RAD51B: variants seen among roughly 807,000 people sequenced by gnomAD.
The protein encoded by RAD51B is DNA repair protein RAD51 homolog 2.
In RAD51B, 38 loss-of-function variants were observed where a neutral mutation model predicts 42.2. The ratio of observed to expected loss-of-function variants is 0.90; its 90% confidence interval spans 0.70 to 1.18. RAD51B has a LOEUF of 1.18. Among genes scored for constraint, RAD51B ranks in the 50% most tolerant of loss-of-function variants. The pLI, the probability that RAD51B is intolerant of heterozygous loss-of-function variation, is 0.00. For missense variants in RAD51B, 373 were observed against 400.7 expected (o/e 0.93, Z 0.59); for synonymous variants, 154 against 145.2 (o/e 1.06, Z -0.43).
chr14:68,073,899 A>G (rs578073133), intron 7 of RAD51B, among the ~76,000 whole-genome samples: 39 of 152,266 alleles, frequency 2.6e-4, no homozygotes, highest in Non-Finnish European at 4.9e-4. Flanking sequence ...GTCTACTGTT[A>G]GCCTGATGTG....
chr14:68,254,003 T>C (rs527852412), intron 7 of RAD51B, among the ~76,000 whole-genome samples: 1 of 152,352 alleles, frequency 6.6e-6, no homozygotes, highest in South Asian at 2.1e-4. Context: ...GGATCTTATC[T>C]TGATGTGCAG....
intron 7 of RAD51B, among the ~76,000 whole-genome samples, chr14:68,220,539 C>T (rs2079904254): frequency 6.6e-6 from 1 of 152,126 alleles, no homozygotes; most frequent in African/African-American, 2.4e-5. Flanking sequence ...GAAAGCATCC[C>T]TCATGAGAAC....
intron 10 of RAD51B, among the ~76,000 whole-genome samples, chr14:68,489,265 T>G (rs975625954): frequency 2.6e-5 from 4 of 152,210 alleles, no homozygotes; most frequent in African/African-American, 9.6e-5. Flanking sequence ...GAAAGGCATC[T>G]GTAATGTTAT....
intron 8 of RAD51B, among the ~76,000 whole-genome samples, chr14:68,311,828 G>A (rs554974327): frequency 2.0e-5 from 3 of 152,332 alleles, no homozygotes; most frequent in African/African-American, 7.2e-5. Context: ...GGGAGGTGGA[G>A]GTTGCAGTGA....
chr14:67,884,378 A>G (rs147996617), intron 5 of RAD51B, among the ~76,000 whole-genome samples: 85 of 152,276 alleles, frequency 5.6e-4, no homozygotes, highest in African/African-American at 1.9e-3. Flanking sequence ...GGTACTCTCA[A>G]TCTGGTTCCT....
intron 10 of RAD51B, among the ~76,000 whole-genome samples, chr14:68,577,741 A>ATC (rs1340835454): frequency 2.0e-5 from 3 of 151,502 alleles, no homozygotes; most frequent in Admixed American, 2.0e-4. Flanking sequence ...CACCTCTCTC[A>ATC]TCACACACAC....
At chr14:68,407,209 A>G (rs2084300669) in intron 8 of RAD51B, among the ~76,000 whole-genome samples, 1 of 152,250 alleles carries the variant, frequency 6.6e-6, no homozygotes, top group South Asian at 2.1e-4. Context: ...TAGTAAATAC[A>G]TCAATATAGA....
At chr14:68,612,139 GGT>G (rs1891703246), downstream of RAD51B, among the ~76,000 whole-genome samples, 1 of 152,150 alleles carries the variant, frequency 6.6e-6, no homozygotes, top group African/African-American at 2.4e-5. Context: ...AGGAGCTGAT[GGT>G]CTCCTTCAAG....
At chr14:68,642,436 A>G (rs750305068) in intron 10 of RAD51B, among the ~76,000 whole-genome samples, 19 of 152,192 alleles carry the variant, frequency 1.2e-4, no homozygotes, top group Non-Finnish European at 2.4e-4. Flanking sequence ...TTTAATGTCC[A>G]TGGGATCTGT....
At chr14:68,328,975 G>A (rs1232599575) in intron 8 of RAD51B, among the ~76,000 whole-genome samples, 3 of 152,044 alleles carry the variant, frequency 2.0e-5, no homozygotes. Context: ...AGCCCTACCA[G>A]TTATTTTGTA....
intron 7 of RAD51B, among the ~76,000 whole-genome samples, chr14:67,922,995 T>C (rs1178291581): frequency 6.6e-6 from 1 of 151,880 alleles, no homozygotes; most frequent in Non-Finnish European, 1.5e-5. Context: ...CCAGCCGTAA[T>C]ATGTGGTCTT....
chr14:68,541,071 C>T, intron 10 of RAD51B: 1 of 985,394 alleles, frequency 1.0e-6, no homozygotes. Context: ...GGTATGCCCT[C>T]ATTCATGGAG....
chr14:68,670,084 G>A (rs146036922), intron 11 of RAD51B, among the ~76,000 whole-genome samples: 86 of 152,296 alleles, frequency 5.6e-4, no homozygotes, highest in Middle Eastern at 6.8e-3. Flanking sequence ...ACACGCTGCC[G>A]AGAGAACCGT....
At chr14:68,426,038 TTCTCTCTTTCTC>T (rs1164590781) in intron 9 of RAD51B, among the ~76,000 whole-genome samples, 1 of 150,052 alleles carries the variant, frequency 6.7e-6, no homozygotes, top group South Asian at 2.1e-4. Flanking sequence ...CTCTCTTTCT[TTCTCTCTTTCTC>T]TCTCTCTCTC....
At chr14:68,038,372 A>G (rs963307613) in intron 7 of RAD51B, among the ~76,000 whole-genome samples, 5 of 151,976 alleles carry the variant, frequency 3.3e-5, no homozygotes, top group Non-Finnish European at 7.4e-5. Context: ...AAAAATCAGT[A>G]CAGATATTTT....
At chr14:68,459,092 G>C (rs2085777150) in intron 9 of RAD51B, among the ~76,000 whole-genome samples, 2 of 152,158 alleles carry the variant, frequency 1.3e-5, no homozygotes, top group Admixed American at 1.3e-4. Flanking sequence ...GCAACACAAT[G>C]GGGAATTCCT....
intron 11 of RAD51B, among the ~76,000 whole-genome samples, chr14:68,682,433 G>A (rs916511028): frequency 2.0e-5 from 3 of 152,160 alleles, no homozygotes; most frequent in Non-Finnish European, 2.9e-5. Context: ...CAGGGATTCC[G>A]AATTCCAAAG....
chr14:68,671,668 C>G (rs1174063644), intron 11 of RAD51B, among the ~76,000 whole-genome samples: 1 of 152,050 alleles, frequency 6.6e-6, no homozygotes, highest in Non-Finnish European at 1.5e-5. Context: ...TTGAAAACCG[C>G]CTTGTATGTT....
intron 7 of RAD51B, among the ~76,000 whole-genome samples, chr14:68,064,242 A>AT (rs1476530910): frequency 7.2e-5 from 11 of 152,100 alleles, no homozygotes; most frequent in African/African-American, 2.4e-4. Flanking sequence ...ATGGCTAGCA[A>AT]TTTTTTTCTT....
Sources: allele counts gnomAD v4.1 joint callset (sites outside exome capture counted in the v4.1 genomes callset), GRCh38; gene constraint gnomAD v4.1.1; transcripts MANE v1.5; gene names NCBI Gene and HGNC (gene_info 2026-07-23, HGNC 2026-07-21).